NKAIN2: variants seen among roughly 807,000 people sequenced by gnomAD.
The protein encoded by NKAIN2 is sodium/potassium transporting ATPase interacting 2.
Under a neutral mutation model 32.6 loss-of-function variants are expected in NKAIN2, and 14 were observed. The ratio of observed to expected loss-of-function variants is 0.43; its 90% CI spans 0.28 to 0.67. The LOEUF (loss-of-function observed/expected upper bound fraction) is 0.67, where lower values mean the gene tolerates loss of function less well. Among genes scored for constraint, NKAIN2 ranks in the 30% least tolerant of loss-of-function variants. NKAIN2 has a pLI of 0.17. For synonymous variants in NKAIN2, 80 were observed against 87.2 expected (o/e 0.92, Z 0.46); for missense variants, 198 against 258.3 (o/e 0.77, Z 1.60).
intron 3 of NKAIN2, among the ~76,000 whole-genome samples, chr6:124,525,137 G>A (rs1779263337): frequency 6.6e-6 from 1 of 152,104 alleles, no homozygotes; most frequent in African/African-American, 2.4e-5. Context: ...AGCTTAGGGA[G>A]AGATAGGAAA....
At chr6:124,357,287 T>C (rs1432114666) in intron 3 of NKAIN2, among the ~76,000 whole-genome samples, 1 of 152,186 alleles carries the variant, frequency 6.6e-6, no homozygotes, top group African/African-American at 2.4e-5. Context: ...TATATAGTTA[T>C]CTGTACTGGG....
chr6:124,647,588 A>G (rs1424483692), intron 3 of NKAIN2, among the ~76,000 whole-genome samples: 1 of 151,488 alleles, frequency 6.6e-6, no homozygotes, highest in Non-Finnish European at 1.5e-5. Flanking sequence ...TTATTATAAT[A>G]TCCTTTATAC....
In NKAIN2 at chr6:124,212,643, T is replaced by G. The variant is rs577175335; in HGVS notation, c.55-70362T>G. 2.4e-4 allele frequency among the ~76,000 whole-genome samples: 37 copies of G among 152,256 alleles called. 1 individual carries two copies. The South Asian group carries it at 7.2e-3, about 30-fold the overall frequency. Reference sequence around the variant, plus strand: ...AATTCTAAATCAGAAAACTTTGTCATATTTTTAAACTTCAAATTTCCACAT... The same window carrying G: ...AATTCTAAATCAGAAAACTTTGTCAGATTTTTAAACTTCAAATTTCCACAT... On this transcript the variant is annotated intron_variant, in intron 1 of 6. Transcript: ENST00000368417.
chr6:123,976,068 G>A (rs1778553167), intron 1 of NKAIN2, among the ~76,000 whole-genome samples: 1 of 151,264 alleles, frequency 6.6e-6, no homozygotes, highest in South Asian at 2.1e-4. Flanking sequence ...TTTCTTGTCT[G>A]CCACCATGTC....
At chr6:124,592,702 A>G (rs1478700709) in intron 3 of NKAIN2, among the ~76,000 whole-genome samples, 1 of 152,214 alleles carries the variant, frequency 6.6e-6, no homozygotes. Context: ...GCCGCTTCAC[A>G]ATACAGTCCT....
At chr6:124,157,196 G>T (rs535263195) in intron 1 of NKAIN2, among the ~76,000 whole-genome samples, 1 of 148,620 alleles carries the variant, frequency 6.7e-6, no homozygotes, top group Non-Finnish European at 1.5e-5. Flanking sequence ...ACATACTGGA[G>T]AAATACCCTG....
At chr6:124,212,379 G>A (rs918353687) in intron 1 of NKAIN2, among the ~76,000 whole-genome samples, 5 of 152,024 alleles carry the variant, frequency 3.3e-5, no homozygotes, top group African/African-American at 7.2e-5. Flanking sequence ...TTAGCGACAG[G>A]CATTATAGAC....
At chr6:124,658,547 C>T in intron 4 of NKAIN2, 161 bp downstream of exon 4, 3 of 1,458,914 alleles carry the variant, frequency 2.1e-6, no homozygotes, top group East Asian at 2.5e-5. Context: ...TTAAACTAAA[C>T]CATCCTCTGG....
chr6:123,988,008 G>A (rs1779222446), intron 1 of NKAIN2, among the ~76,000 whole-genome samples: 1 of 152,192 alleles, frequency 6.6e-6, no homozygotes, highest in Admixed American at 6.5e-5. Context: ...CTATATGTCA[G>A]ATGTTACTGG....
chr6:124,396,208 G>A (rs1360578335), intron 3 of NKAIN2, among the ~76,000 whole-genome samples: 1 of 151,836 alleles, frequency 6.6e-6, no homozygotes, highest in Non-Finnish European at 1.5e-5. Flanking sequence ...CCAATACATG[G>A]TAAGATGCCA....
intron 4 of NKAIN2, among the ~76,000 whole-genome samples, chr6:124,694,145 A>G (rs1774383433): frequency 6.6e-6 from 1 of 152,202 alleles, no homozygotes; most frequent in African/African-American, 2.4e-5. Flanking sequence ...ATGTAATTAA[A>G]CAAGTCTATG....
At chr6:124,657,124 G>A (rs1258513922) in intron 3 of NKAIN2, among the ~76,000 whole-genome samples, 1 of 152,144 alleles carries the variant, frequency 6.6e-6, no homozygotes, top group Non-Finnish European at 1.5e-5. Flanking sequence ...TATGTTCAAT[G>A]TGAGTGTGTG....
intron 2 of NKAIN2, among the ~76,000 whole-genome samples, chr6:124,298,905 A>G (rs1469541716): frequency 2.6e-5 from 4 of 152,244 alleles, no homozygotes. Context: ...CTAATGATGT[A>G]TCAAGGATCT....
intron 4 of NKAIN2, among the ~76,000 whole-genome samples, chr6:124,664,344 T>TATCAAA (rs1772663855): frequency 6.6e-6 from 1 of 151,968 alleles, no homozygotes; most frequent in African/African-American, 2.4e-5. Flanking sequence ...GTAGTTTTAA[T>TATCAAA]CAATATTTAT....
intron 3 of NKAIN2, among the ~76,000 whole-genome samples, chr6:124,614,393 C>T (rs190042405): frequency 7.2e-5 from 11 of 152,160 alleles, no homozygotes; most frequent in Admixed American, 4.6e-4. Context: ...GACTCTGTCT[C>T]GAAAAAAATT....
chr6:123,973,219 T>C (rs1252031210), intron 1 of NKAIN2, among the ~76,000 whole-genome samples: 1 of 152,090 alleles, frequency 6.6e-6, no homozygotes, highest in East Asian at 1.9e-4. Context: ...GAATTTATTT[T>C]TTTCTGTCTT....
At chr6:123,901,934 G>C (rs754246691) in intron 1 of NKAIN2, among the ~76,000 whole-genome samples, 2 of 152,026 alleles carry the variant, frequency 1.3e-5, no homozygotes, top group Non-Finnish European at 2.9e-5. Context: ...AAATGAGGCT[G>C]ATACTTATTT....
intron 1 of NKAIN2, among the ~76,000 whole-genome samples, chr6:124,015,904 A>G (rs1780548774): frequency 6.6e-6 from 1 of 152,120 alleles, no homozygotes; most frequent in African/African-American, 2.4e-5. Flanking sequence ...TTGATGTGTT[A>G]CTGAATTTTT....
chr6:124,756,114 C>T lies in NKAIN2; in HGVS notation c.475-35225C>T, dbSNP rs148033677. On this transcript the variant is annotated intron_variant, in intron 4 of 6. Transcript: ENST00000368417. ...TCATTTATGCCTGTCTTTCAGCATACTAATTACAAAGATATATTTTTACAT... is the reference window on the plus strand; with the variant it reads ...TCATTTATGCCTGTCTTTCAGCATATTAATTACAAAGATATATTTTTACAT... 4.7e-3 allele frequency among the ~76,000 whole-genome samples: 716 copies of T among 152,168 alleles called. 4 individuals are homozygous for T. The highest frequency in any genetic ancestry group is 8.4e-3 in the Non-Finnish European group (573 of 67,994).
Sources: allele counts gnomAD v4.1 joint callset (sites outside exome capture counted in the v4.1 genomes callset), GRCh38; gene constraint gnomAD v4.1.1; transcripts MANE v1.5; gene names NCBI Gene and HGNC (gene_info 2026-07-23, HGNC 2026-07-21).